ZNF790: variants seen among roughly 807,000 people sequenced by gnomAD.
ZNF790 encodes the protein zinc finger protein 790.
A neutral mutation model predicts 12.1 loss-of-function variants in ZNF790; 8 were observed. That is an observed-to-expected ratio of 0.66 (90% CI 0.39 to 1.19). The LOEUF (loss-of-function observed/expected upper bound fraction) is 1.19. Ranked by LOEUF, ZNF790 falls within the 50% of genes most tolerant of loss-of-function variation. The pLI, the probability that ZNF790 is intolerant of heterozygous loss-of-function variation, is 0.01. For synonymous variants in ZNF790, 252 were observed against 244.3 expected (o/e 1.03, Z -0.29); for missense variants, 707 against 752.2 (o/e 0.94, Z 0.70).
chr19:36,839,961 G>T (rs1336503244), upstream of ZNF790, among the ~76,000 whole-genome samples: 1 of 152,072 alleles, frequency 6.6e-6, no homozygotes, highest in Non-Finnish European at 1.5e-5. Flanking sequence ...TACTCTGGAG[G>T]CTGAGGCAGG....
chr19:36,827,141 C>CACACACACACATAT (rs1313807327), intron 1 of ZNF790, among the ~76,000 whole-genome samples: 10 of 84,440 alleles, frequency 1.2e-4, no homozygotes, highest in Middle Eastern at 6.2e-3. Flanking sequence ...CACACACACA[C>CACACACACACATAT]ATATATATAT....
chr19:36,832,016 C>A (rs2071953833), intron 1 of ZNF790, among the ~76,000 whole-genome samples: 1 of 152,094 alleles, frequency 6.6e-6, no homozygotes, highest in African/African-American at 2.4e-5. Flanking sequence ...GTAAATCTTC[C>A]AATATACTTG....
At chr19:36,830,041 C>G (rs978227554) in intron 1 of ZNF790, among the ~76,000 whole-genome samples, 1 of 151,970 alleles carries the variant, frequency 6.6e-6, no homozygotes. Flanking sequence ...TCTTTTATTT[C>G]TTTTACTTCC....
chr19:36,828,441 C>A (rs1204955449), intron 1 of ZNF790, among the ~76,000 whole-genome samples: 1 of 145,788 alleles, frequency 6.9e-6, no homozygotes, highest in Non-Finnish European at 1.5e-5. Flanking sequence ...CCAGCCTGGG[C>A]AACAAGAGCA....
rs1286168615 is a variant in ZNF790 at position 36,838,107 on chromosome 19, CACACACACACACACACACACAT to C, written c.-74+208_-74+229del. 5.1e-5 allele frequency: 3 copies of C among 58,362 alleles called. No individual in the cohort carries two copies. Among genetic ancestry groups the C allele is most frequent in the Middle Eastern group, 0.02 (2 of 102 alleles). 3.6% of individuals were successfully genotyped at this position (58,362 alleles called of 1,614,324 possible). A position where few individuals can be genotyped will look rare whatever the true frequency, so the allele number is the denominator to read the frequency against. ...TGTCAACGTCGTGTGCGCGTGCGCGCACACACACACACACACACACATACACACACACACACACAAGCTCCCG... is the reference window on the plus strand; with the variant it reads ...TGTCAACGTCGTGTGCGCGTGCGCGCACACACACACACACACAAGCTCCCG... On this transcript the variant is annotated intron_variant, in intron 1 of 4. Transcript: ENST00000356725. This position sits in a 1 kb window ranked among gnomAD's most constrained non-coding sequence, Gnocchi z 4.4.
intron 1 of ZNF790, among the ~76,000 whole-genome samples, chr19:36,833,212 G>A (rs1439378109): frequency 6.6e-6 from 1 of 152,094 alleles, no homozygotes; most frequent in Non-Finnish European, 1.5e-5. Context: ...GCACAATCTC[G>A]GCTCACTGCA....
At chr19:36,841,527 T>G (rs528098679), upstream of ZNF790, among the ~76,000 whole-genome samples, 1 of 151,622 alleles carries the variant, frequency 6.6e-6, no homozygotes, top group East Asian at 1.9e-4. Context: ...GGCTGAGACA[T>G]GAGAACCTCT....
chr19:36,819,957 T>C lies in ZNF790; in HGVS notation c.387A>G (p.Thr129=). 1 of 1,614,158 alleles carries C rather than the reference T, an allele frequency of 6.2e-7. No individual in the cohort carries two copies. Among genetic ancestry groups the C allele is most frequent in the Non-Finnish European group, 8.5e-7 (1 of 1,180,024 alleles). Residue 129 remains threonine, a synonymous_variant, in exon 5 of 5, where the codon ACA becomes ACG. Transcript: ENST00000356725. ...AGCATTCCTCTTGATTATCTTGAAG[T>C]GTTTGAAACTGAGTGTTGCCTTCCC... ...GDWEGNTQFQ[T]LQDNQEECFK... is the part of the protein sequence containing the mutation.
chr19:36,840,671 A>C (rs1163490484), upstream of ZNF790, among the ~76,000 whole-genome samples: 1 of 152,210 alleles, frequency 6.6e-6, no homozygotes, highest in African/African-American at 2.4e-5. Context: ...TCTGAAATTC[A>C]AGTTCTAGAT....
rs1340253938 is a variant in ZNF790, at chr19:36,819,841, T to G, written c.503A>C (p.Lys168Thr). 6.2e-7 allele frequency: 1 copy of G among 1,613,990 alleles called. No individual in the cohort carries two copies. Among genetic ancestry groups the G allele is most frequent in the East Asian group, 2.2e-5 (1 of 44,870 alleles). Reference sequence around the variant, plus strand: ...CCCCAGTTCTTTAAATTCATTCAGTTTGTCTCCTGTATTAAGTCTCTGGTG... The same window carrying G: ...CCCCAGTTCTTTAAATTCATTCAGTGTGTCTCCTGTATTAAGTCTCTGGTG... ...NLHQRLNTGD[K>T]LNEFKELGKA... Residue 168 changes from lysine to threonine, a missense_variant, in exon 5 of 5, where the codon AAA becomes ACA. Transcript: ENST00000356725.
At chr19:36,839,854 G>A (rs1015285037), upstream of ZNF790, among the ~76,000 whole-genome samples, 1 of 152,104 alleles carries the variant, frequency 6.6e-6, no homozygotes, top group Non-Finnish European at 1.5e-5. Context: ...CCTGAGGTCA[G>A]GAGTTCGAGA....
At chr19:36,840,061 C>T (rs1202263630), upstream of ZNF790, among the ~76,000 whole-genome samples, 1 of 151,694 alleles carries the variant, frequency 6.6e-6, no homozygotes, top group Non-Finnish European at 1.5e-5. Flanking sequence ...GAAACTCCAT[C>T]TCAAAAAAAG....
chr19:36,849,231 C>T (rs2072215623), intron 1 of ZNF790, among the ~76,000 whole-genome samples: 1 of 152,084 alleles, frequency 6.6e-6, no homozygotes, highest in African/African-American at 2.4e-5. Context: ...CCGGCCCTTC[C>T]TGCCATTGTT....
chr19:36,835,796 C>T (rs1049062875), intron 1 of ZNF790, among the ~76,000 whole-genome samples: 8 of 151,248 alleles, frequency 5.3e-5, no homozygotes, highest in African/African-American at 9.7e-5. Context: ...AGGCCCACTT[C>T]CTCTATCTAG....
intron 1 of ZNF790, among the ~76,000 whole-genome samples, chr19:36,849,778 CA>C (rs2072224917): frequency 6.6e-6 from 1 of 151,936 alleles, no homozygotes; most frequent in Admixed American, 6.6e-5. Flanking sequence ...CACACTCATA[CA>C]CAGATCCATA....
chr19:36,824,013 T>TTTTTG (rs953562825), intron 2 of ZNF790, among the ~76,000 whole-genome samples: 1 of 146,558 alleles, frequency 6.8e-6, no homozygotes, highest in African/African-American at 2.6e-5. Context: ...TTTTTTTTTT[T>TTTTTG]GAGACAAGAG....
chr19:36,844,985 T>C (rs2146095297), intron 1 of ZNF790, among the ~76,000 whole-genome samples: 1 of 135,282 alleles, frequency 7.4e-6, no homozygotes, highest in East Asian at 2.1e-4. Context: ...GAGGCGGAGC[T>C]TGCAGTGAGC....
At chr19:36,820,944 A>G (rs1449649393) in intron 4 of ZNF790, among the ~76,000 whole-genome samples, 2 of 148,530 alleles carry the variant, frequency 1.3e-5, no homozygotes, top group Non-Finnish European at 3.0e-5. Flanking sequence ...CATGTGCACA[A>G]TGTGCCAGTT....
intron 1 of ZNF790, among the ~76,000 whole-genome samples, chr19:36,844,126 T>C (rs1343919574): frequency 6.6e-6 from 1 of 151,352 alleles, no homozygotes; most frequent in Non-Finnish European, 1.5e-5. Flanking sequence ...GAGATCAGCC[T>C]GGGCAATATG....
Sources: allele counts gnomAD v4.1 joint callset (sites outside exome capture counted in the v4.1 genomes callset), GRCh38; gene constraint gnomAD v4.1.1; non-coding constraint Gnocchi (gnomAD v3.1); transcripts MANE v1.5; gene names NCBI Gene and HGNC (gene_info 2026-07-23, HGNC 2026-07-21).